Variants in SLC16A12 observed in about 807,000 individuals in gnomAD.
SLC16A12 encodes the protein monocarboxylate transporter 12.
Under a neutral mutation model 42.4 loss-of-function variants are expected in SLC16A12, and 17 were observed. The ratio of observed to expected loss-of-function variants is 0.40; its 90% CI spans 0.27 to 0.60. SLC16A12 has a LOEUF of 0.60. Ranked by LOEUF, SLC16A12 falls within the 20% of genes least tolerant of loss-of-function variation. SLC16A12 has a pLI of 0.42. For synonymous variants in SLC16A12, 224 were observed against 229.4 expected, an observed-to-expected ratio of 0.98 and a Z score of 0.21; for missense variants, 544 against 623.0, an observed-to-expected ratio of 0.87 and a Z score of 1.35.
chr10:89,543,795 A>ACT (rs1307577343), intron 2 of SLC16A12, among the ~76,000 whole-genome samples: 1 of 152,142 alleles, frequency 6.6e-6, no homozygotes, highest in Non-Finnish European at 1.5e-5. Context: ...TGATTGTGTC[A>ACT]CTGCACTCCA....
At chr10:89,474,720 A>G (rs563688949) in intron 2 of SLC16A12, among the ~76,000 whole-genome samples, 15 of 152,346 alleles carry the variant, frequency 9.8e-5, no homozygotes, top group African/African-American at 3.1e-4. Flanking sequence ...CCACAAAGTA[A>G]TAACAGTAAC....
At chr10:89,456,808 T>A (rs1458238634) in intron 3 of SLC16A12, among the ~76,000 whole-genome samples, 1 of 152,196 alleles carries the variant, frequency 6.6e-6, no homozygotes, top group Non-Finnish European at 1.5e-5. Context: ...AGTGTTTGGT[T>A]TTCTGTTCCT....
At chr10:89,534,830 A>C (rs868394200) in intron 1 of SLC16A12, among the ~76,000 whole-genome samples, 190 bp from the exon 2 acceptor site, 1 of 152,156 alleles carries the variant, frequency 6.6e-6, no homozygotes, top group Middle Eastern at 3.4e-3. Context: ...CCTTGTCTCT[A>C]AATAAATAAA....
chr10:89,471,821 T>C (rs1311080183), intron 2 of SLC16A12, among the ~76,000 whole-genome samples: 2 of 152,254 alleles, frequency 1.3e-5, no homozygotes, highest in South Asian at 2.1e-4. Context: ...TCAGTCATTC[T>C]AGTGATATCA....
At chr10:89,482,490 T>C (rs1842679490) in intron 2 of SLC16A12, among the ~76,000 whole-genome samples, 1 of 151,774 alleles carries the variant, frequency 6.6e-6, no homozygotes, top group Admixed American at 6.6e-5. Flanking sequence ...TAGTTAAGAG[T>C]CTAATAGATG....
At chr10:89,464,401 G>C (rs1324505594) in intron 2 of SLC16A12, among the ~76,000 whole-genome samples, 1 of 152,154 alleles carries the variant, frequency 6.6e-6, no homozygotes, top group African/African-American at 2.4e-5. Context: ...TGTCAAACAG[G>C]CTTCTTAATT....
Position 89,462,431 on chromosome 10 carries a change from T to A in SLC16A12, c.148A>T (p.Met50Leu). Residue 50 changes from methionine to leucine, a missense_variant, in exon 3 of 8, where the codon ATG (methionine) becomes TTG (leucine). Physicochemically the swap from Met to Leu is conservative, Grantham distance 15. Coordinates refer to ENST00000371790, the MANE Select transcript of SLC16A12 (RefSeq NM_213606.4). ...TSPPDGGWGW[M>L]IVAGCFLVTI... ...ACAAGGAAACAGCCAGCCACAATCA[T>A]CCAGCCCCAGCCTCCATCTGGAGGG... The A allele has an allele frequency of 6.2e-7, 1 of 1,614,062 alleles. No individual in the cohort carries two copies. Among genetic ancestry groups the A allele is most frequent in the Non-Finnish European group, 8.5e-7 (1 of 1,179,962 alleles).
At chr10:89,455,548 T>C (rs544188062) in intron 3 of SLC16A12, among the ~76,000 whole-genome samples, 1 of 152,366 alleles carries the variant, frequency 6.6e-6, no homozygotes, top group East Asian at 1.9e-4. Flanking sequence ...AAGAATATTT[T>C]ATCACTTATC....
At chr10:89,525,129 GAGAATTGTTTGAACCTGGGAGGC>G (rs1258819470) in intron 2 of SLC16A12, among the ~76,000 whole-genome samples, 1 of 149,236 alleles carries the variant, frequency 6.7e-6, no homozygotes, top group Non-Finnish European at 1.5e-5. Flanking sequence ...GCTGAGGCAG[GAGAATTGTTTGAACCTGGGAGGC>G]AGAAGTTGCC....
Position 89,440,970 on chromosome 10 carries a change from C to G in SLC16A12, c.448+138G>C, listed in dbSNP as rs765131447. 511 of 1,021,144 alleles carry G rather than the reference C, an allele frequency of 5.0e-4. 1 individual carries two copies. Among genetic ancestry groups the G allele is most frequent in the Non-Finnish European group, 7.0e-4 (467 of 668,256 alleles). 63.3% of individuals were successfully genotyped at this position (1,021,144 alleles called of 1,614,324 possible). A position where few individuals can be genotyped will look rare whatever the true frequency, so the allele number is the denominator to read the frequency against. The stretch of plus-strand genomic sequence containing the variant: ...TCTCATTTCCAGCTCTGTTTAACTG[C>G]TAGGTAGGTAGACATAAGCTAGGTC... On this transcript the variant is annotated intron_variant, in intron 5 of 7. Transcript: ENST00000371790.
chr10:89,541,251 C>T (rs72816763), intron 2 of SLC16A12, among the ~76,000 whole-genome samples: 1,557 of 152,090 alleles, frequency 0.01, 17 homozygotes, highest in Non-Finnish European at 0.017. Context: ...TCCCACCTCT[C>T]GAGCCTCAGA....
chr10:89,452,588 T>G (rs906830029), intron 3 of SLC16A12, among the ~76,000 whole-genome samples: 9 of 152,294 alleles, frequency 5.9e-5, no homozygotes, highest in African/African-American at 2.2e-4. Context: ...CAAGGGGCCC[T>G]GTATTTTCAT....
At chr10:89,436,467 C>CT (rs1564823751) in intron 6 of SLC16A12, 148 bp from the exon 7 acceptor site, 1 of 971,984 alleles carries the variant, frequency 1.0e-6, no homozygotes, top group South Asian at 1.4e-5. Flanking sequence ...TCCTATCTTT[C>CT]TTTTTTGCAA....
At chr10:89,522,908 A>T (rs909666571) in intron 2 of SLC16A12, among the ~76,000 whole-genome samples, 1 of 152,242 alleles carries the variant, frequency 6.6e-6, no homozygotes, top group Admixed American at 6.5e-5. Flanking sequence ...TTGTAGACAC[A>T]AGTGAGACCT....
chr10:89,532,670 G>A (rs1843574507), intron 2 of SLC16A12, among the ~76,000 whole-genome samples: 1 of 152,136 alleles, frequency 6.6e-6, no homozygotes, highest in African/African-American at 2.4e-5. Context: ...TTCTTTGGCT[G>A]TATACGACTG....
At chr10:89,489,245 T>C (rs1310290114) in intron 2 of SLC16A12, among the ~76,000 whole-genome samples, 2 of 152,226 alleles carry the variant, frequency 1.3e-5, no homozygotes, top group African/African-American at 2.4e-5. Flanking sequence ...CTTTTTGATG[T>C]TTCCAAAAAT....
intron 2 of SLC16A12, among the ~76,000 whole-genome samples, chr10:89,496,945 C>T (rs532951349): frequency 7.9e-5 from 12 of 152,216 alleles, no homozygotes; most frequent in African/African-American, 2.9e-4. Context: ...CTTTGACAGG[C>T]AATCCACACA....
chr10:89,462,693 G>A, intron 2 of SLC16A12, 69 bp from the exon 3 acceptor site: 1 of 1,440,688 alleles, frequency 6.9e-7, no homozygotes, highest in Non-Finnish European at 9.1e-7. Flanking sequence ...TCTTCACTTG[G>A]TAAGACATGA....
chr10:89,504,091 C>T (rs1013655396), intron 2 of SLC16A12, among the ~76,000 whole-genome samples: 1 of 152,110 alleles, frequency 6.6e-6, no homozygotes, highest in Non-Finnish European at 1.5e-5. Context: ...TCCATGAGGC[C>T]TCAAAATTAG....
Sources: gnomAD v4.1 joint callset for allele counts (sites outside exome capture counted in the v4.1 genomes callset) on GRCh38, gnomAD v4.1.1 for gene constraint, MANE v1.5 for transcripts, NCBI Gene and HGNC (gene_info 2026-07-23, HGNC 2026-07-21) for gene names.